Variants in SLC30A7 observed in about 807,000 individuals in gnomAD.
SLC30A7 encodes the protein solute carrier family 30 member 7, also known as zinc transporter 7.
Under a neutral mutation model 46.0 loss-of-function variants are expected in SLC30A7, and 35 were observed. The ratio of observed to expected loss-of-function variants is 0.76; its 90% confidence interval spans 0.58 to 1.01. SLC30A7 has a LOEUF of 1.01. Among genes scored for constraint, SLC30A7 ranks in the 50% least tolerant of loss-of-function variants. The pLI is 0.00. For synonymous variants in SLC30A7, 147 were observed against 157.8 expected (o/e 0.93, Z 0.51); for missense variants, 464 against 451.1 (o/e 1.03, Z -0.26).
chr1:100,964,972 C>T (rs1378118926), intron 9 of SLC30A7, among the ~76,000 whole-genome samples: 3 of 152,170 alleles, frequency 2.0e-5, no homozygotes, highest in Non-Finnish European at 4.4e-5. Flanking sequence ...ATAATGACTA[C>T]ATTCATCAAA....
intron 2 of SLC30A7, among the ~76,000 whole-genome samples, chr1:100,897,539 G>T (rs1323352478): frequency 1.3e-5 from 2 of 152,022 alleles, no homozygotes; most frequent in Non-Finnish European, 2.9e-5. Flanking sequence ...CTAAATCTTG[G>T]ACTCTAGATT....
At chr1:100,933,728 C>T (rs1348382870) in intron 8 of SLC30A7, among the ~76,000 whole-genome samples, 1 of 152,118 alleles carries the variant, frequency 6.6e-6, no homozygotes, top group African/African-American at 2.4e-5. Context: ...CATCCATGTC[C>T]CTACAAAGGA....
At chr1:100,948,983 C>T (rs1654804256) in intron 8 of SLC30A7, among the ~76,000 whole-genome samples, 1 of 152,104 alleles carries the variant, frequency 6.6e-6, no homozygotes, top group African/African-American at 2.4e-5. Flanking sequence ...AGAACATGCT[C>T]CTTTAGCTTG....
chr1:100,951,004 G>A (rs1453663752), intron 8 of SLC30A7, among the ~76,000 whole-genome samples: 3 of 152,186 alleles, frequency 2.0e-5, no homozygotes, highest in East Asian at 1.9e-4. Context: ...GGGAGCCAGC[G>A]TAGGAGTCAT....
intron 5 of SLC30A7, among the ~76,000 whole-genome samples, chr1:100,913,265 C>A (rs965231404): frequency 2.6e-5 from 4 of 152,100 alleles, no homozygotes; most frequent in African/African-American, 9.7e-5. Flanking sequence ...TGTAATAGTA[C>A]TTTGAAAAAT....
intron 9 of SLC30A7, among the ~76,000 whole-genome samples, chr1:100,964,495 C>T (rs909356020): frequency 9.2e-5 from 14 of 151,628 alleles, no homozygotes. Flanking sequence ...AATTGAGGCT[C>T]ACCTTAGGTC....
intron 3 of SLC30A7, among the ~76,000 whole-genome samples, 181 bp from the exon 4 acceptor site, chr1:100,910,882 T>C (rs1652038326): frequency 6.6e-6 from 1 of 152,184 alleles, no homozygotes; most frequent in Admixed American, 6.5e-5. Flanking sequence ...CAATTCGTAC[T>C]AATTCGTTTC....
intron 8 of SLC30A7, among the ~76,000 whole-genome samples, chr1:100,940,092 T>C (rs1654253780): frequency 6.6e-6 from 1 of 152,218 alleles, no homozygotes; most frequent in South Asian, 2.1e-4. Flanking sequence ...AGAAGACTAA[T>C]GGAGCAGATT....
intron 10 of SLC30A7, among the ~76,000 whole-genome samples, chr1:100,971,452 T>G (rs1302704847): frequency 3.3e-5 from 5 of 152,136 alleles, no homozygotes; most frequent in Non-Finnish European, 5.9e-5. Flanking sequence ...TCTGACCTCC[T>G]TTGGAGGTTG....
intron 8 of SLC30A7, among the ~76,000 whole-genome samples, chr1:100,955,641 A>G (rs1048246179): frequency 2.0e-5 from 3 of 152,046 alleles, no homozygotes; most frequent in African/African-American, 7.2e-5. Flanking sequence ...CGTTTTCTAC[A>G]TTTCCTTTCA....
chr1:100,951,115 A>G (rs538950862), intron 8 of SLC30A7, among the ~76,000 whole-genome samples: 1 of 152,258 alleles, frequency 6.6e-6, no homozygotes, highest in East Asian at 1.9e-4. Flanking sequence ...GGGAGTGTGA[A>G]TCAGATTTTT....
At chr1:100,959,826 G>A (rs1323461515) in intron 8 of SLC30A7, among the ~76,000 whole-genome samples, 2 of 152,178 alleles carry the variant, frequency 1.3e-5, no homozygotes, top group Non-Finnish European at 2.9e-5. Context: ...GTCATTGGGA[G>A]CCATCACTGA....
chr1:100,911,129 T>A lies in SLC30A7; in HGVS notation c.363T>A (p.Phe121Leu). Residue 121 changes from phenylalanine (F) to leucine (L), a missense_variant, in exon 4 of 11, where the codon TTT becomes TTA. Coordinates refer to ENST00000357650, the MANE Select transcript of SLC30A7 (RefSeq NM_133496.5). Reference protein sequence around the residue: ...NGLFLIFTAFFIFSEGVERAL... With the variant: ...NGLFLIFTAFLIFSEGVERAL... ...TATTTTTGATCTTCACTGCTTTTTT[T>A]ATTTTCTCAGAAGGAGTTGAGGTAT... 1.2e-6 allele frequency: 2 copies of A among 1,611,134 alleles called. No homozygotes were observed. The highest frequency in any genetic ancestry group is 1.7e-6 in the Non-Finnish European group (2 of 1,178,182).
the SLC30A7 span, among the ~76,000 whole-genome samples, chr1:100,993,468 A>G: frequency 6.7e-6 from 1 of 150,078 alleles, no homozygotes; most frequent in Admixed American, 6.7e-5. Flanking sequence ...AGGAGAATCA[A>G]TTGAACCCGG....
the SLC30A7 span, chr1:100,995,222 T>G: frequency 1.8e-5 from 18 of 1,017,150 alleles, no homozygotes; most frequent in Non-Finnish European, 2.7e-5. Flanking sequence ...AAACCTCAGT[T>G]AAGAGTCACC....
At chr1:100,906,014 A>G (rs906555775) in intron 2 of SLC30A7, among the ~76,000 whole-genome samples, 19 of 151,806 alleles carry the variant, frequency 1.3e-4, no homozygotes, top group African/African-American at 3.9e-4. Flanking sequence ...GGGCACACCT[A>G]TTTTTCTGTT....
In SLC30A7 at chr1:100,978,171, T is replaced by A. The variant is rs17100940; in HGVS notation, c.*3314T>A. ...TCTTTGTGAAGGACAGTATCTAGTT[T>A]ATCTGTAGGTCAGTGTTCCTTGTGC... On this transcript the variant is annotated 3_prime_UTR_variant, in exon 11 of 11. Coordinates refer to ENST00000357650, the MANE Select transcript of SLC30A7 (RefSeq NM_133496.5). The A allele has an allele frequency of 1.6e-4, 25 of 152,230 alleles. No individual in the cohort carries two copies. Among genetic ancestry groups the A allele is most frequent in the African/African-American group, 5.8e-4 (24 of 41,450 alleles). 9.4% of individuals were successfully genotyped at this position (152,230 alleles called of 1,614,324 possible).
At chr1:100,974,156 CG>C (rs1414547383) in intron 10 of SLC30A7, among the ~76,000 whole-genome samples, 1 of 152,030 alleles carries the variant, frequency 6.6e-6, no homozygotes, top group Admixed American at 6.6e-5. Flanking sequence ...GGATATATTG[CG>C]TAGTAGTGAA....
chr1:100,900,661 C>G (rs987264090), intron 2 of SLC30A7, among the ~76,000 whole-genome samples: 1 of 151,916 alleles, frequency 6.6e-6, no homozygotes, highest in Non-Finnish European at 1.5e-5. Context: ...TAGTGGAGTT[C>G]TGGGTTATTT....
Sources: allele counts gnomAD v4.1 joint callset (sites outside exome capture counted in the v4.1 genomes callset), GRCh38; gene constraint gnomAD v4.1.1; transcripts MANE v1.5; gene names NCBI Gene and HGNC (gene_info 2026-07-23, HGNC 2026-07-21).